The following CDH12 variants were observed in gnomAD, a reference collection of about 807,000 sequenced individuals.
CDH12 encodes the protein cadherin-12.
Under a neutral mutation model 74.1 loss-of-function variants are expected in CDH12, and 41 were observed. The observed-to-expected ratio is 0.55, with a 90% CI of 0.43 to 0.72. The LOEUF (loss-of-function observed/expected upper bound fraction) is 0.72, where lower values mean the gene tolerates loss of function less well. Ranked by LOEUF, CDH12 falls within the 30% of genes least tolerant of loss-of-function variation. The pLI, the probability that CDH12 is intolerant of heterozygous loss-of-function variation, is 0.00. For synonymous variants in CDH12, 399 were observed against 355.0 expected (o/e 1.12, Z -1.39); for missense variants, 945 against 977.2 (o/e 0.97, Z 0.44).
chr5:22,633,822 T>A (rs1030195936), intron 1 of CDH12, among the ~76,000 whole-genome samples: 1 of 152,192 alleles, frequency 6.6e-6, no homozygotes, highest in Admixed American at 6.5e-5. Flanking sequence ...TACAATTGCA[T>A]GAACCAATAG....
At chr5:22,032,391 G>A (rs947056920) in intron 5 of CDH12, among the ~76,000 whole-genome samples, 7 of 151,810 alleles carry the variant, frequency 4.6e-5, no homozygotes, top group African/African-American at 1.7e-4. Context: ...CCTGTGTGGA[G>A]CTTGCATCTT....
chr5:21,885,667 C>A lies in CDH12; in HGVS notation c.527-30877G>T, dbSNP rs4264914. 2.6e-5 allele frequency among the ~76,000 whole-genome samples: 4 copies of A among 152,262 alleles called. No homozygotes were observed. The East Asian group carries it at 5.8e-4, about 22-fold the overall frequency. On this transcript the variant is annotated intron_variant, in intron 6 of 14. Transcript: ENST00000382254. ...CTTCATAGGACTTTAAGCAGTCATC[C>A]TTTGCCAGTTTAGGATATTCACTTT...
chr5:22,178,904 A>C (rs1041216414), intron 4 of CDH12, among the ~76,000 whole-genome samples: 1 of 152,282 alleles, frequency 6.6e-6, no homozygotes, highest in Admixed American at 6.5e-5. Context: ...TGCATTTGAA[A>C]ATCTCTTTAA....
intron 1 of CDH12, among the ~76,000 whole-genome samples, chr5:22,754,409 T>C (rs1292476497): frequency 6.6e-6 from 1 of 152,018 alleles, no homozygotes; most frequent in Non-Finnish European, 1.5e-5. Flanking sequence ...AACAGGCAGA[T>C]GGAAAACAGC....
intron 1 of CDH12, among the ~76,000 whole-genome samples, chr5:22,806,374 A>C (rs1478052631): frequency 8.2e-6 from 1 of 121,890 alleles, no homozygotes; most frequent in African/African-American, 3.2e-5. Flanking sequence ...TTTTTTTGAG[A>C]TGGAGTCTCG....
At chr5:21,796,399 T>G (rs1332778290) in intron 10 of CDH12, among the ~76,000 whole-genome samples, 2 of 151,948 alleles carry the variant, frequency 1.3e-5, no homozygotes, top group African/African-American at 4.8e-5. Flanking sequence ...AAGGAATGAA[T>G]GTATCGGTAC....
intron 2 of CDH12, among the ~76,000 whole-genome samples, chr5:22,439,034 C>T (rs549238252): frequency 1.3e-4 from 20 of 151,838 alleles, no homozygotes; most frequent in African/African-American, 4.3e-4. Flanking sequence ...AATTGGACAT[C>T]GCTTGTGTCT....
intron 9 of CDH12, 65 bp downstream of exon 9, chr5:21,816,877 CAAT>C: frequency 9.2e-7 from 1 of 1,086,052 alleles, no homozygotes; most frequent in Non-Finnish European, 1.3e-6. Flanking sequence ...TTGTCATTTT[CAAT>C]ATTTATTTTT....
chr5:22,247,973 T>C (rs1370561985), intron 3 of CDH12, among the ~76,000 whole-genome samples: 1 of 152,138 alleles, frequency 6.6e-6, no homozygotes, highest in African/African-American at 2.4e-5. Flanking sequence ...CTTAGGATCC[T>C]ACCTTTTGTA....
intron 6 of CDH12, among the ~76,000 whole-genome samples, chr5:21,862,390 G>A (rs972850707): frequency 3.3e-5 from 5 of 152,030 alleles, no homozygotes; most frequent in Admixed American, 3.3e-4. Context: ...ATACTTGAAG[G>A]CCAGTGATGT....
intron 1 of CDH12, among the ~76,000 whole-genome samples, chr5:22,845,504 T>G (rs1308294487): frequency 6.6e-6 from 1 of 152,194 alleles, no homozygotes; most frequent in Non-Finnish European, 1.5e-5. Context: ...GGCTGCTATG[T>G]GCCCTCTATG....
chr5:21,869,346 G>A (rs1751496982), intron 6 of CDH12, among the ~76,000 whole-genome samples: 1 of 152,124 alleles, frequency 6.6e-6, no homozygotes, highest in African/African-American at 2.4e-5. Context: ...AAAGAACCAT[G>A]AACAGCTGAT....
chr5:21,842,017 A>G, intron 8 of CDH12, 144 bp downstream of exon 8: 1 of 670,642 alleles, frequency 1.5e-6, no homozygotes, highest in Non-Finnish European at 2.5e-6. Context: ...AAAAAAAAAA[A>G]AGATTTGTAA....
At chr5:21,817,528 G>A (rs910158132) in intron 8 of CDH12, among the ~76,000 whole-genome samples, 3 of 145,058 alleles carry the variant, frequency 2.1e-5, no homozygotes, top group Non-Finnish European at 4.4e-5. Flanking sequence ...ATAGATAGAT[G>A]ATAGATAGAT....
At chr5:22,317,475 A>T (rs1291404969) in intron 3 of CDH12, among the ~76,000 whole-genome samples, 2 of 152,142 alleles carry the variant, frequency 1.3e-5, no homozygotes, top group African/African-American at 4.8e-5. Flanking sequence ...ACACACACAT[A>T]TGTATTTAAA....
intron 1 of CDH12, among the ~76,000 whole-genome samples, chr5:22,677,020 G>A (rs1297131367): frequency 6.6e-6 from 1 of 152,130 alleles, no homozygotes; most frequent in East Asian, 1.9e-4. Context: ...ATTTTGAAGT[G>A]TCTCCAGACA....
chr5:21,951,562 T>G (rs1243551975), intron 6 of CDH12, among the ~76,000 whole-genome samples: 1 of 152,242 alleles, frequency 6.6e-6, no homozygotes, highest in Non-Finnish European at 1.5e-5. Flanking sequence ...TTTCTAATAT[T>G]TATAAGCTCT....
At chr5:22,117,481 TATATATATTA>T (rs1745212505) in intron 4 of CDH12, among the ~76,000 whole-genome samples, 11 of 45,332 alleles carry the variant, frequency 2.4e-4, no homozygotes, top group East Asian at 6.5e-4. Flanking sequence ...ATATATATTA[TATATATATTA>T]TATATATATA....
chr5:22,325,096 T>C (rs1739030446), intron 3 of CDH12, among the ~76,000 whole-genome samples: 1 of 152,118 alleles, frequency 6.6e-6, no homozygotes, highest in East Asian at 1.9e-4. Context: ...TGCAAGAAAA[T>C]GGTCGTGTTT....
Sources: allele counts gnomAD v4.1 joint callset (sites outside exome capture counted in the v4.1 genomes callset), GRCh38; gene constraint gnomAD v4.1.1; transcripts MANE v1.5; gene names NCBI Gene and HGNC (gene_info 2026-07-23, HGNC 2026-07-21).